The following NPSR1 variants were observed in gnomAD, a reference collection of about 807,000 sequenced individuals.
NPSR1 encodes the protein neuropeptide S receptor 1.
A neutral mutation model predicts 46.9 loss-of-function variants in NPSR1; 48 were observed. That is an observed-to-expected ratio of 1.02 (90% CI 0.81 to 1.30). The LOEUF (loss-of-function observed/expected upper bound fraction) is 1.30, where lower values mean the gene tolerates loss of function less well. Ranked by LOEUF, NPSR1 falls within the 50% of genes most tolerant of loss-of-function variation. The pLI is 0.00. For synonymous variants in NPSR1, 176 were observed against 168.1 expected (o/e 1.05, Z -0.36); for missense variants, 450 against 449.5 (o/e 1.00, Z -0.01).
chr7:34,801,790 C>G (rs935282275), intron 3 of NPSR1, among the ~76,000 whole-genome samples: 2 of 149,004 alleles, frequency 1.3e-5, no homozygotes, highest in African/African-American at 5.2e-5. Flanking sequence ...TCCCTGTTTG[C>G]AGATGACATG....
At chr7:34,805,076 G>A (rs1245914541) in intron 3 of NPSR1, among the ~76,000 whole-genome samples, 1 of 151,848 alleles carries the variant, frequency 6.6e-6, no homozygotes, top group Non-Finnish European at 1.5e-5. Context: ...TCATGAATAG[G>A]AAGACTTAAT....
chr7:34,878,269 C>T, exon 9 of NPSR1: 1 of 729,430 alleles, frequency 1.4e-6, no homozygotes, highest in Non-Finnish European at 2.4e-6. Flanking sequence ...CAGTGGTTCC[C>T]AAAATGGGTC....
At chr7:34,731,238 TAAGTAG>T (rs1784403463) in intron 2 of NPSR1, among the ~76,000 whole-genome samples, 1 of 152,052 alleles carries the variant, frequency 6.6e-6, no homozygotes. Context: ...TACAAATCAA[TAAGTAG>T]AAGATAAATA....
chr7:34,832,663 G>C (rs561442650), intron 5 of NPSR1, among the ~76,000 whole-genome samples: 1 of 152,314 alleles, frequency 6.6e-6, no homozygotes, highest in East Asian at 1.9e-4. Flanking sequence ...TCACTCATCT[G>C]ATTGGCCCTA....
At chr7:34,772,610 T>G (rs1436291005) in intron 2 of NPSR1, among the ~76,000 whole-genome samples, 1 of 152,144 alleles carries the variant, frequency 6.6e-6, no homozygotes, top group African/African-American at 2.4e-5. Flanking sequence ...ACAACCAGGA[T>G]GTATGTCTGC....
chr7:34,833,857 A>G (rs113364137), intron 5 of NPSR1, among the ~76,000 whole-genome samples: 5 of 152,288 alleles, frequency 3.3e-5, no homozygotes, highest in African/African-American at 1.2e-4. Context: ...CCAGCAATGC[A>G]TAGAGACACC....
chr7:34,749,206 C>T (rs899713960), intron 2 of NPSR1, among the ~76,000 whole-genome samples: 2 of 152,138 alleles, frequency 1.3e-5, no homozygotes, highest in Admixed American at 1.3e-4. Flanking sequence ...TACCCCAAAC[C>T]TTCAACCTCA....
intron 1 of NPSR1, among the ~76,000 whole-genome samples, chr7:34,678,646 G>A (rs983122639): frequency 6.6e-6 from 1 of 151,900 alleles, no homozygotes; most frequent in Non-Finnish European, 1.5e-5. Context: ...CTAACACAGT[G>A]AAACCCCGTC....
chr7:34,802,568 A>T (rs1788474302), intron 3 of NPSR1, among the ~76,000 whole-genome samples: 1 of 149,452 alleles, frequency 6.7e-6, no homozygotes, highest in Non-Finnish European at 1.5e-5. Flanking sequence ...AATCAATTCA[A>T]GATGGATTAA....
chr7:34,765,153 C>T (rs1217072779), intron 2 of NPSR1, among the ~76,000 whole-genome samples: 2 of 152,310 alleles, frequency 1.3e-5, no homozygotes, highest in East Asian at 3.9e-4. Context: ...TAATACCCCA[C>T]TCTAACAACC....
intron 1 of NPSR1, among the ~76,000 whole-genome samples, chr7:34,662,846 C>T (rs912336919): frequency 1.7e-4 from 26 of 152,192 alleles, no homozygotes; most frequent in Middle Eastern, 3.4e-3. Context: ...ACTATAGACG[C>T]TAGTATTTGA....
At chr7:34,717,687 G>A (rs955511652) in intron 2 of NPSR1, among the ~76,000 whole-genome samples, 8 of 152,130 alleles carry the variant, frequency 5.3e-5, no homozygotes, top group African/African-American at 1.9e-4. Flanking sequence ...GGGTCTTCAG[G>A]GTCTCATCTT....
chr7:34,675,249 C>T (rs923425010), intron 1 of NPSR1, among the ~76,000 whole-genome samples: 5 of 152,204 alleles, frequency 3.3e-5, no homozygotes, highest in African/African-American at 1.2e-4. Context: ...CTACTACATA[C>T]ATTACAAACT....
At chr7:34,858,887 A>G (rs187644845) in intron 8 of NPSR1, among the ~76,000 whole-genome samples, 2 of 151,832 alleles carry the variant, frequency 1.3e-5, no homozygotes, top group African/African-American at 4.9e-5. Flanking sequence ...GATCCAAACC[A>G]TATCAGTGAC....
At chr7:34,732,967 T>G (rs569580819) in intron 2 of NPSR1, among the ~76,000 whole-genome samples, 1 of 152,200 alleles carries the variant, frequency 6.6e-6, no homozygotes, top group Non-Finnish European at 1.5e-5. Flanking sequence ...CATCTAAAAG[T>G]TTGCATGTGA....
intron 4 of NPSR1, among the ~76,000 whole-genome samples, chr7:34,818,981 G>C (rs978618394): frequency 6.6e-6 from 1 of 152,082 alleles, no homozygotes; most frequent in Non-Finnish European, 1.5e-5. Context: ...AGAAAACCTA[G>C]GCAATACCAT....
At chr7:34,809,210 C>T (rs1193438747) in intron 3 of NPSR1, among the ~76,000 whole-genome samples, 1 of 152,046 alleles carries the variant, frequency 6.6e-6, no homozygotes, top group Non-Finnish European at 1.5e-5. Flanking sequence ...AGGTAGAAAC[C>T]CCAGTTTTGT....
chr7:34,823,408 A>AAAAAAAC, intron 4 of NPSR1, among the ~76,000 whole-genome samples: 1 of 146,516 alleles, frequency 6.8e-6, no homozygotes, highest in South Asian at 2.1e-4. Context: ...AGAAAAAAAA[A>AAAAAAAC]AAAAAAAACA....
chr7:34,818,015 G>A (rs1289674375), intron 4 of NPSR1, among the ~76,000 whole-genome samples: 1 of 152,084 alleles, frequency 6.6e-6, no homozygotes, highest in Non-Finnish European at 1.5e-5. Flanking sequence ...CACAAGACAA[G>A]GATGCCCTCT....
Sources: gnomAD v4.1 joint callset for allele counts (sites outside exome capture counted in the v4.1 genomes callset) on GRCh38, gnomAD v4.1.1 for gene constraint, MANE v1.5 for transcripts, NCBI Gene and HGNC (gene_info 2026-07-23, HGNC 2026-07-21) for gene names.